The following SIK3 variants were observed in gnomAD, a reference collection of about 807,000 sequenced individuals.
SIK3 encodes SIK family kinase 3.
In SIK3, 28 loss-of-function variants were observed where a neutral mutation model predicts 144.2. The ratio of observed to expected loss-of-function variants is 0.19; its 90% CI spans 0.14 to 0.27. The LOEUF is 0.27. SIK3 is among the 10% of genes least tolerant of loss of function. The pLI is 1.00. For missense variants in SIK3, 1,319 were observed against 1,776.0 expected, an observed-to-expected ratio of 0.74 and a Z score of 4.62; for synonymous variants, 686 against 676.3, an observed-to-expected ratio of 1.01 and a Z score of -0.22.
intron 3 of SIK3, among the ~76,000 whole-genome samples, chr11:116,952,041 T>C (rs957199814): frequency 6.6e-6 from 1 of 152,170 alleles, no homozygotes; most frequent in Non-Finnish European, 1.5e-5. Flanking sequence ...TGGGTCTTTT[T>C]TTATTACAAA....
chr11:116,894,174 C>A (rs1254010397), intron 6 of SIK3, among the ~76,000 whole-genome samples: 2 of 152,268 alleles, frequency 1.3e-5, no homozygotes, highest in African/African-American at 4.8e-5. Flanking sequence ...GCTTACCTCA[C>A]CAGCAACTCT....
In SIK3 at chr11:117,069,533, A is replaced by G. The variant is rs1340868699; in HGVS notation, c.273+28610T>C. 2.0e-5 allele frequency among the ~76,000 whole-genome samples: 3 copies of G among 152,206 alleles called. No homozygotes were observed. In the East Asian group the frequency reaches 5.8e-4, roughly 29 times the overall value. On this transcript the variant is annotated intron_variant, in intron 1 of 24. Coordinates refer to ENST00000445177, the MANE Select transcript of SIK3 (RefSeq NM_001366686.3). Reference sequence around the variant, plus strand: ...CAATTATCATATAAGTTTTTTAGCAACTGGTTTGTTCAAATCACCATCTAG... The same window carrying G: ...CAATTATCATATAAGTTTTTTAGCAGCTGGTTTGTTCAAATCACCATCTAG...
At chr11:117,077,069 T>C (rs1954579817) in intron 1 of SIK3, among the ~76,000 whole-genome samples, 2 of 152,052 alleles carry the variant, frequency 1.3e-5, no homozygotes, top group Admixed American at 1.3e-4. Context: ...GATGGGAGGA[T>C]CACTTGAGCC....
chr11:116,899,806 C>G (rs2134811964), intron 4 of SIK3, among the ~76,000 whole-genome samples: 1 of 152,232 alleles, frequency 6.6e-6, no homozygotes, highest in South Asian at 2.1e-4. Context: ...CCCTCATGCC[C>G]CAGGGACACC....
chr11:117,004,360 C>A (rs1023112447), intron 1 of SIK3, among the ~76,000 whole-genome samples: 1 of 151,904 alleles, frequency 6.6e-6, no homozygotes. Flanking sequence ...ACAAAAAATA[C>A]AAAAAATTAG....
At position 116,845,711 on chromosome 11, in the gene SIK3, C is replaced by T. The variant is rs1941886284; in HGVS notation, c.*14-82G>A. ...TCCATTTAAAACCTTTTAAAAAATGCAACGGGTTTACTTTCCCTCAGGTGT... is the reference window on the plus strand; with the variant it reads ...TCCATTTAAAACCTTTTAAAAAATGTAACGGGTTTACTTTCCCTCAGGTGT... On this transcript the variant is annotated intron_variant, in intron 24 of 24. Transcript: ENST00000445177. 2.0e-5 allele frequency: 3 copies of T among 152,346 alleles called. No individual in the cohort carries two copies. In the South Asian group the frequency reaches 6.2e-4, roughly 32 times the overall value. The allele number at this position is 152,346 out of a possible 1,614,324, so 9.4% of individuals were successfully genotyped here.
At chr11:117,034,865 C>T (rs1234453961) in intron 1 of SIK3, among the ~76,000 whole-genome samples, 1 of 152,068 alleles carries the variant, frequency 6.6e-6, no homozygotes, top group Non-Finnish European at 1.5e-5. Context: ...TTATTTTTTG[C>T]TTTTGGTTAA....
chr11:116,959,136 C>T (rs866114249), intron 1 of SIK3, among the ~76,000 whole-genome samples: 1 of 152,242 alleles, frequency 6.6e-6, no homozygotes, highest in African/African-American at 2.4e-5. Context: ...TCAAGACCAG[C>T]ATGGGCAATA....
At chr11:116,855,757 T>C (rs949789873) in intron 21 of SIK3, 2 of 152,380 alleles carry the variant, frequency 1.3e-5, no homozygotes, top group African/African-American at 4.8e-5. Context: ...TGCCCCTGAC[T>C]ACCTCTTGAC....
At chr11:116,947,527 A>ATGTATGTATGTATG (rs1392701397) in intron 3 of SIK3, among the ~76,000 whole-genome samples, 2 of 94,628 alleles carry the variant, frequency 2.1e-5, no homozygotes, top group East Asian at 2.3e-4. Flanking sequence ...AAATATATAT[A>ATGTATGTATGTATG]TATATATGTA....
chr11:117,008,535 C>T (rs1015174315), intron 1 of SIK3, among the ~76,000 whole-genome samples: 14 of 152,014 alleles, frequency 9.2e-5, no homozygotes, highest in African/African-American at 3.4e-4. Flanking sequence ...AAAGTCAAAC[C>T]CTCAATTCAA....
At chr11:116,922,791 G>C (rs1239676336) in intron 4 of SIK3, among the ~76,000 whole-genome samples, 3 of 151,222 alleles carry the variant, frequency 2.0e-5, no homozygotes, top group African/African-American at 7.3e-5. Context: ...CAGAAAACAT[G>C]AATCTTTTAT....
At chr11:117,053,006 C>G (rs371445622) in intron 1 of SIK3, among the ~76,000 whole-genome samples, 2 of 152,114 alleles carry the variant, frequency 1.3e-5, no homozygotes, top group African/African-American at 4.8e-5. Context: ...AATAGCCCAC[C>G]TTCAAAAAAG....
chr11:116,932,177 A>G (rs1947644577), intron 3 of SIK3, among the ~76,000 whole-genome samples: 1 of 152,178 alleles, frequency 6.6e-6, no homozygotes, highest in African/African-American at 2.4e-5. Flanking sequence ...CACCAGCCTC[A>G]TTTAACAGCA....
chr11:116,875,029 C>T, intron 11 of SIK3, 129 bp downstream of exon 11: 3 of 667,830 alleles, frequency 4.5e-6, no homozygotes, highest in Non-Finnish European at 8.0e-6. Flanking sequence ...TATCATTTGT[C>T]CACTTGGCCA....
At chr11:117,056,541 A>C (rs1953534702) in intron 1 of SIK3, among the ~76,000 whole-genome samples, 1 of 16,222 alleles carries the variant, frequency 6.2e-5, no homozygotes, top group South Asian at 2.5e-3. Context: ...ATATAGATAG[A>C]TATAGATATA....
At chr11:116,995,337 C>T (rs1423710811) in intron 1 of SIK3, among the ~76,000 whole-genome samples, 1 of 150,396 alleles carries the variant, frequency 6.6e-6, no homozygotes, top group Non-Finnish European at 1.5e-5. Flanking sequence ...GATCTTGGCT[C>T]ATTGCAACCT....
chr11:117,023,415 T>TC (rs1491509421), intron 1 of SIK3, among the ~76,000 whole-genome samples: 2 of 66,438 alleles, frequency 3.0e-5, no homozygotes, highest in Non-Finnish European at 5.3e-5. Flanking sequence ...CACCTGATGA[T>TC]TTTTTTTTTT....
At chr11:116,945,380 CTTTTTTTTTTTT>C (rs35915801) in intron 3 of SIK3, among the ~76,000 whole-genome samples, 3 of 95,406 alleles carry the variant, frequency 3.1e-5, no homozygotes, top group Admixed American at 1.2e-4. Context: ...TTCATGAATT[CTTTTTTTTTTTT>C]TTTTTTTTTT....
Sources: allele counts gnomAD v4.1 joint callset (sites outside exome capture counted in the v4.1 genomes callset), GRCh38; gene constraint gnomAD v4.1.1; transcripts MANE v1.5; gene names NCBI Gene and HGNC (gene_info 2026-07-23, HGNC 2026-07-21).